The following PIK3R5 variants were observed in gnomAD, a reference collection of about 807,000 sequenced individuals.
PIK3R5 encodes phosphoinositide 3-kinase regulatory subunit 5.
In PIK3R5, 32 loss-of-function variants were observed where a neutral mutation model predicts 94.9. The observed-to-expected ratio is 0.34, with a 90% confidence interval of 0.25 to 0.45. The LOEUF is 0.45. PIK3R5 is among the 20% of genes least tolerant of loss of function. The probability of loss-of-function intolerance (pLI) is 1.00; values close to 1 mark genes in which losing one functional copy is unlikely to be tolerated. For missense variants in PIK3R5, 853 were observed against 1,144.6 expected (o/e 0.75, Z 3.68); for synonymous variants, 443 against 479.4 (o/e 0.92, Z 0.99).
rs541901597 is a variant in PIK3R5, at chr17:8,892,279, T to C, written c.482+1307A>G. On this transcript the variant is annotated intron_variant, in intron 6 of 18. Coordinates refer to ENST00000447110, the MANE Select transcript of PIK3R5 (RefSeq NM_001142633.3). The surrounding 1 kb of genome is among the most constrained non-coding windows in gnomAD (Gnocchi z 4.3). The stretch of plus-strand genomic sequence containing the variant: ...GAAGAAACTCACTTTGATTTCTCTA[T>C]CTGTAAGAAAAAGGAGGTGGGCTTG... Among the ~76,000 whole-genome samples the C allele has an allele frequency of 6.6e-6, 1 of 152,248 alleles. No individual in the cohort carries two copies. The highest frequency in any genetic ancestry group is 2.4e-5 in the African/African-American group (1 of 41,546).
intron 4 of PIK3R5, 122 bp from the exon 5 acceptor site, chr17:8,905,037 G>T: frequency 9.2e-7 from 1 of 1,083,862 alleles, no homozygotes; most frequent in Non-Finnish European, 1.3e-6. Flanking sequence ...TGGCCGCAGC[G>T]TGTCCCAGGA....
intron 1 of PIK3R5, among the ~76,000 whole-genome samples, chr17:8,923,879 C>CCCCTA (rs2090803467): frequency 8.6e-6 from 1 of 116,918 alleles, no homozygotes; most frequent in Non-Finnish European, 1.8e-5. Context: ...CCCTTCCCTT[C>CCCCTA]CCCTCCCCTC....
rs764486209 is a variant in PIK3R5 at position 8,881,029 on chromosome 17, G to A, written c.2383-12C>T. On this transcript the variant is annotated splice_polypyrimidine_tract_variant and intron_variant, in intron 17 of 18. Coordinates refer to ENST00000447110, the MANE Select transcript of PIK3R5 (RefSeq NM_001142633.3). The surrounding 1 kb of genome is among the most constrained non-coding windows in gnomAD (Gnocchi z 4.8). ...TGCGATGTGCTAATCTGGAAGGAAG[G>A]CCCAGGTCAGCCCCAAATCCCTGGC... 1 of 1,596,234 alleles carries A rather than the reference G, an allele frequency of 6.3e-7. No homozygotes were observed. Among genetic ancestry groups the A allele is most frequent in the Non-Finnish European group, 8.6e-7 (1 of 1,163,752 alleles).
intron 5 of PIK3R5, among the ~76,000 whole-genome samples, chr17:8,899,902 G>T (rs1278125750): frequency 6.6e-6 from 1 of 152,080 alleles, no homozygotes; most frequent in Non-Finnish European, 1.5e-5. Flanking sequence ...GCCAGGCATG[G>T]TGGTGCACGC....
chr17:8,880,702 G>A lies in PIK3R5; in HGVS notation c.2580C>T (p.Ala860=), dbSNP rs1322606054. 13 of 1,613,804 alleles carry A rather than the reference G, an allele frequency of 8.1e-6. No homozygotes were observed. Among genetic ancestry groups the A allele is most frequent in the East Asian group, 2.2e-5 (1 of 44,898 alleles). The change falls in exon 19 of 19, where the codon GCC becomes GCT. Residue 860 remains alanine, a synonymous_variant. Coordinates refer to ENST00000447110, the MANE Select transcript of PIK3R5 (RefSeq NM_001142633.3). ...AGAGAAGGGAGCAGAGATCAGGTGC[G>A]GCCTGGGCCGGCAGGTCAGGAGGCG... The part of the protein sequence containing the change: ...PQTPPDLPAQ[A]APDLCSLLCL...
chr17:8,928,038 T>G (rs1447920534), intron 1 of PIK3R5, among the ~76,000 whole-genome samples: 1 of 152,242 alleles, frequency 6.6e-6, no homozygotes, highest in Non-Finnish European at 1.5e-5. Flanking sequence ...CCTGCGGAAC[T>G]GTGAGCCAAA....
intron 2 of PIK3R5, among the ~76,000 whole-genome samples, chr17:8,910,922 T>C (rs1365104439): frequency 2.0e-5 from 3 of 151,952 alleles, no homozygotes; most frequent in African/African-American, 4.8e-5. Context: ...GGACACCCTG[T>C]TTTTTAGTCC....
At position 8,889,295 on chromosome 17, in the gene PIK3R5, C is replaced by G; in HGVS notation, c.812-73G>C. The G allele has an allele frequency of 8.8e-7, 1 of 1,139,460 alleles. No individual in the cohort carries two copies. Among genetic ancestry groups the G allele is most frequent in the South Asian group, 1.4e-5 (1 of 73,058 alleles). The allele number at this position is 1,139,460 out of a possible 1,614,324, so 70.6% of individuals were successfully genotyped here. ...GAGATTGGCCAGTCCAGTCCCCTTG[C>G]CTTGGAGAAGAGACCAGAGATGGGA... On this transcript the variant is annotated intron_variant, in intron 8 of 18. Transcript: ENST00000447110. The surrounding 1 kb of genome is among the most constrained non-coding windows in gnomAD (Gnocchi z 4.1).
intron 5 of PIK3R5, among the ~76,000 whole-genome samples, chr17:8,894,484 G>C (rs1490300001): frequency 6.6e-6 from 1 of 152,140 alleles, no homozygotes; most frequent in African/African-American, 2.4e-5. Context: ...GGCGTCCTCC[G>C]TGCTCTGAGG....
At chr17:8,912,509 A>C (rs927203795) in intron 1 of PIK3R5, 3 of 152,280 alleles carry the variant, frequency 2.0e-5, no homozygotes, top group African/African-American at 7.2e-5. Flanking sequence ...AGATGCGCTG[A>C]GTAAGCTTCC....
At chr17:8,894,484 G>A (rs1490300001) in intron 5 of PIK3R5, among the ~76,000 whole-genome samples, 2 of 152,140 alleles carry the variant, frequency 1.3e-5, no homozygotes, top group Non-Finnish European at 1.5e-5. Context: ...GGCGTCCTCC[G>A]TGCTCTGAGG....
chr17:8,893,093 T>C lies in PIK3R5; in HGVS notation c.482+493A>G, dbSNP rs111462655. 0.027 allele frequency among the ~76,000 whole-genome samples: 4,152 copies of C among 151,106 alleles called. 204 individuals are homozygous for C. The highest frequency in any genetic ancestry group is 0.096 in the African/African-American group (3,933 of 41,012). ...GTGTGTGTGTGTGTGTGTTTGTGTA[T>C]CAGGCTGTCATATAAAATGGATTTT... On this transcript the variant is annotated intron_variant, in intron 6 of 18. Coordinates refer to ENST00000447110, the MANE Select transcript of PIK3R5 (RefSeq NM_001142633.3). This position sits in a 1 kb window ranked among gnomAD's most constrained non-coding sequence, Gnocchi z 5.1.
chr17:8,944,550 T>C (rs541934266), intron 1 of PIK3R5, among the ~76,000 whole-genome samples: 1 of 152,358 alleles, frequency 6.6e-6, no homozygotes, highest in African/African-American at 2.4e-5. Flanking sequence ...GGCACTAGCA[T>C]TCCATGATTT....
At chr17:8,922,366 A>C (rs2090769248) in intron 1 of PIK3R5, among the ~76,000 whole-genome samples, 1 of 152,184 alleles carries the variant, frequency 6.6e-6, no homozygotes, top group Non-Finnish European at 1.5e-5. Context: ...TTAGTTTGAT[A>C]ATCATAATCA....
In PIK3R5 at chr17:8,881,555, A is replaced by G; in HGVS notation, c.2382+75T>C. ...TGCACACACATACATGTGCACACAC[A>G]CGTACACACATACGCACATGCACGC... On this transcript the variant is annotated intron_variant, in intron 17 of 18. Coordinates refer to ENST00000447110, the MANE Select transcript of PIK3R5 (RefSeq NM_001142633.3). This position sits in a 1 kb window ranked among gnomAD's most constrained non-coding sequence, Gnocchi z 4.8. 2.7e-6 allele frequency: 3 copies of G among 1,111,882 alleles called. No individual in the cohort carries two copies. The highest frequency in any genetic ancestry group is 4.0e-6 in the Non-Finnish European group (3 of 742,146). 68.9% of individuals were successfully genotyped at this position (1,111,882 alleles called of 1,614,324 possible).
intron 1 of PIK3R5, among the ~76,000 whole-genome samples, chr17:8,923,908 TTC>T (rs2090806206): frequency 2.7e-4 from 9 of 33,238 alleles, no homozygotes; most frequent in African/African-American, 1.0e-3. Flanking sequence ...TCCCCTCCCC[TTC>T]CCTTCCCTTT....
Position 8,882,032 on chromosome 17 carries a change from T to C in PIK3R5, c.2206-151A>G, listed in dbSNP as rs1366009435. 1.3e-5 allele frequency: 8 copies of C among 634,136 alleles called. No homozygotes were observed. The Admixed American group carries it at 1.3e-4, about 10-fold the overall frequency. 39.3% of individuals were successfully genotyped at this position (634,136 alleles called of 1,614,324 possible). A position where few individuals can be genotyped will look rare whatever the true frequency, so the allele number is the denominator to read the frequency against. ...ATTCACCAGGGCCCCTGTACCACCC[T>C]GGATAGACCTGGATGACTCCAGGGA... is the stretch of plus-strand genomic sequence containing the variant. On this transcript the variant is annotated intron_variant, in intron 15 of 18. Coordinates refer to ENST00000447110, the MANE Select transcript of PIK3R5 (RefSeq NM_001142633.3). This position sits in a 1 kb window ranked among gnomAD's most constrained non-coding sequence, Gnocchi z 4.1.
chr17:8,921,332 A>G (rs2090739018), intron 1 of PIK3R5, among the ~76,000 whole-genome samples: 1 of 152,096 alleles, frequency 6.6e-6, no homozygotes, highest in Non-Finnish European at 1.5e-5. Context: ...TGTCTTGCTC[A>G]CTCAAGTATT....
At chr17:8,942,963 T>TACACACACACACACACACACACACAC (rs112851950) in intron 1 of PIK3R5, among the ~76,000 whole-genome samples, 36 of 149,066 alleles carry the variant, frequency 2.4e-4, no homozygotes, top group African/African-American at 3.2e-4. Context: ...GATCACGTCA[T>TACACACACACACACACACACACACAC]ACACACACAC....
Sources: allele counts gnomAD v4.1 joint callset (sites outside exome capture counted in the v4.1 genomes callset), GRCh38; gene constraint gnomAD v4.1.1; non-coding constraint Gnocchi (gnomAD v3.1); transcripts MANE v1.5; gene names NCBI Gene and HGNC (gene_info 2026-07-23, HGNC 2026-07-21).